Variants in ANKRD11 observed in about 807,000 individuals in gnomAD.
The protein encoded by ANKRD11 is ankyrin repeat domain-containing protein 11.
Under a neutral mutation model 195.7 loss-of-function variants are expected in ANKRD11, and 17 were observed. The ratio of observed to expected loss-of-function variants is 0.09; its 90% CI spans 0.06 to 0.13. The LOEUF is 0.13. Among genes scored for constraint, ANKRD11 ranks in the 10% least tolerant of loss-of-function variants. The pLI, the probability that ANKRD11 is intolerant of heterozygous loss-of-function variation, is 1.00. For missense variants in ANKRD11, 3,735 were observed against 3,566.1 expected (o/e 1.05, Z -1.21); for synonymous variants, 1,953 against 1,528.1 (o/e 1.28, Z -6.49).
chr16:89,280,060 G>A lies in ANKRD11; in HGVS notation c.6482C>T (p.Ala2161Val), dbSNP rs1465206001. Residue 2161 changes from alanine to valine, a missense_variant, in exon 9 of 13, where the codon GCT (alanine) becomes GTT (valine). Physicochemically the swap from Ala to Val is moderately conservative, Grantham distance 64 (BLOSUM62 0). Coordinates refer to ENST00000301030, the MANE Select transcript of ANKRD11 (RefSeq NM_013275.6). ...GEAEPVEESL[A>V]PPEEMPPGAP... is the part of the protein sequence containing the mutation. ...CCCTGGAGGCATCTCTTCTGGAGGA[G>A]CAAGACTTTCTTCCACGGGTTCCGC... 1.2e-6 allele frequency: 2 copies of A among 1,612,896 alleles called. No homozygotes were observed. Among genetic ancestry groups the A allele is most frequent in the African/African-American group, 1.3e-5 (1 of 74,942 alleles).
At chr16:89,274,156 G>C (rs534973546) in intron 11 of ANKRD11, among the ~76,000 whole-genome samples, 2 of 152,320 alleles carry the variant, frequency 1.3e-5, no homozygotes, top group South Asian at 2.1e-4. Context: ...CAGACAGGAA[G>C]AGCTGCCCCA....
At chr16:89,334,144 TAAAAAAAAAAAAAAAA>T (rs869142504) in intron 2 of ANKRD11, among the ~76,000 whole-genome samples, 3 of 41,416 alleles carry the variant, frequency 7.2e-5, no homozygotes, top group Non-Finnish European at 1.4e-4. Context: ...CCCTGTGTTT[TAAAAAAAAAAAAAAAA>T]AAAAAAAAAA....
At chr16:89,310,216 C>T (rs538197975) in intron 3 of ANKRD11, among the ~76,000 whole-genome samples, 5 of 152,132 alleles carry the variant, frequency 3.3e-5, no homozygotes, top group South Asian at 2.1e-4. Flanking sequence ...GTGCGGGGTC[C>T]GCCTGTGTGT....
At chr16:89,446,220 T>C (rs535518725) in intron 1 of ANKRD11, among the ~76,000 whole-genome samples, 39 of 152,288 alleles carry the variant, frequency 2.6e-4, no homozygotes, top group African/African-American at 9.1e-4. Flanking sequence ...GCTATTGGGA[T>C]ACAGAGTGTC....
chr16:89,453,717 C>T (rs1054967668), intron 1 of ANKRD11, among the ~76,000 whole-genome samples: 6 of 152,196 alleles, frequency 3.9e-5, no homozygotes, highest in African/African-American at 1.4e-4. Flanking sequence ...GCTGAAGACA[C>T]AGCGGCAAAC....
chr16:89,419,278 C>T (rs1000861345), intron 1 of ANKRD11, among the ~76,000 whole-genome samples: 4 of 151,522 alleles, frequency 2.6e-5, no homozygotes, highest in South Asian at 2.1e-4. Flanking sequence ...AGGGCAAAAC[C>T]CCGTCTCTAC....
At chr16:89,391,870 A>G (rs963527921) in intron 2 of ANKRD11, among the ~76,000 whole-genome samples, 1 of 152,236 alleles carries the variant, frequency 6.6e-6, no homozygotes, top group African/African-American at 2.4e-5. Context: ...TAAAGAAATC[A>G]ATGTACTTTA....
In ANKRD11 at chr16:89,357,165, C is replaced by A. The variant is rs144806382; in HGVS notation, c.-59-40087G>T. On this transcript the variant is annotated intron_variant, in intron 2 of 12. Coordinates refer to ENST00000301030, the MANE Select transcript of ANKRD11 (RefSeq NM_013275.6). Reference sequence around the variant, plus strand: ...TAGGGGCACTGCTCAGAGGTAGGCTCGGCCAGAGCTACAACACACCTTCGA... The same window carrying A: ...TAGGGGCACTGCTCAGAGGTAGGCTAGGCCAGAGCTACAACACACCTTCGA... 1.9e-4 allele frequency among the ~76,000 whole-genome samples: 29 copies of A among 152,282 alleles called. 1 individual carries two copies. The East Asian group carries it at 5.6e-3, about 29-fold the overall frequency.
At chr16:89,444,524 C>G (rs537660898) in intron 1 of ANKRD11, among the ~76,000 whole-genome samples, 16 of 152,186 alleles carry the variant, frequency 1.1e-4, no homozygotes, top group Admixed American at 1.0e-3. Context: ...TGGAGCTAGT[C>G]CAGCCCTGGA....
intron 2 of ANKRD11, among the ~76,000 whole-genome samples, chr16:89,414,179 T>C (rs1290041628): frequency 6.6e-6 from 1 of 152,240 alleles, no homozygotes; most frequent in Non-Finnish European, 1.5e-5. Context: ...CTTTTCCATC[T>C]TAAATGGAGA....
At chr16:89,375,140 C>G (rs1437320378) in intron 2 of ANKRD11, among the ~76,000 whole-genome samples, 1 of 152,028 alleles carries the variant, frequency 6.6e-6, no homozygotes, top group Admixed American at 6.6e-5. Context: ...GCGGGACATA[C>G]CACACTGCAC....
rs1597565855 is a variant in ANKRD11, at chr16:89,307,047, G to A, written c.88-1703C>T. Reference sequence around the variant, plus strand: ...GTGTGACACACACAGCGCTCGGGACGTGGGGAGGGGGACAGTGCGACACAC... The same window carrying A: ...GTGTGACACACACAGCGCTCGGGACATGGGGAGGGGGACAGTGCGACACAC... On this transcript the variant is annotated intron_variant, in intron 3 of 12. Coordinates refer to ENST00000301030, the MANE Select transcript of ANKRD11 (RefSeq NM_013275.6). Among the ~76,000 whole-genome samples, 3 of 148,206 alleles carry A rather than the reference G, an allele frequency of 2.0e-5. No homozygotes were observed. In the South Asian group the frequency reaches 6.5e-4, roughly 32 times the overall value.
chr16:89,274,676 C>CAA, intron 11 of ANKRD11, 138 bp downstream of exon 11: 1 of 1,311,774 alleles, frequency 7.6e-7, no homozygotes, highest in East Asian at 2.3e-5. Flanking sequence ...TAGAGGCATG[C>CAA]AAAGGACTCT....
At chr16:89,357,491 G>C (rs1391823524) in intron 2 of ANKRD11, among the ~76,000 whole-genome samples, 1 of 152,142 alleles carries the variant, frequency 6.6e-6, no homozygotes, top group Admixed American at 6.5e-5. Context: ...AAAGGACTAA[G>C]CATATGATCC....
chr16:89,349,433 T>C (rs532825095), intron 2 of ANKRD11, among the ~76,000 whole-genome samples: 1 of 152,166 alleles, frequency 6.6e-6, no homozygotes, highest in East Asian at 1.9e-4. Flanking sequence ...TGAGCTGAGA[T>C]CGCGCCACTG....
intron 1 of ANKRD11, among the ~76,000 whole-genome samples, chr16:89,433,522 G>A (rs2043087233): frequency 1.3e-5 from 2 of 152,206 alleles, no homozygotes; most frequent in Admixed American, 6.5e-5. Context: ...AACACTAAAA[G>A]GCCTCCCTAA....
chr16:89,304,483 C>A (rs2036047966), intron 4 of ANKRD11, among the ~76,000 whole-genome samples: 1 of 151,900 alleles, frequency 6.6e-6, no homozygotes. Flanking sequence ...GGCACACATA[C>A]ACGGGCATAG....
At chr16:89,430,475 ACT>A (rs2042930057) in intron 1 of ANKRD11, among the ~76,000 whole-genome samples, 1 of 146,650 alleles carries the variant, frequency 6.8e-6, no homozygotes. Flanking sequence ...CACAGCAGGG[ACT>A]CTCAACTCTC....
chr16:89,380,649 C>A (rs1174363907), intron 2 of ANKRD11, among the ~76,000 whole-genome samples: 2 of 152,200 alleles, frequency 1.3e-5, no homozygotes, highest in Non-Finnish European at 2.9e-5. Context: ...AGGAGACAGG[C>A]TTCTAGATCT....
Sources: allele counts gnomAD v4.1 joint callset (sites outside exome capture counted in the v4.1 genomes callset), GRCh38; gene constraint gnomAD v4.1.1; transcripts MANE v1.5; gene names NCBI Gene and HGNC (gene_info 2026-07-23, HGNC 2026-07-21).